SYNPR: variants seen among roughly 807,000 people sequenced by gnomAD.
SYNPR encodes the protein synaptoporin.
In SYNPR, 23 loss-of-function variants were observed where a neutral mutation model predicts 32.9. The ratio of observed to expected loss-of-function variants is 0.70; its 90% confidence interval spans 0.50 to 0.99. SYNPR has a LOEUF of 0.99. Ranked by LOEUF, SYNPR falls within the 50% of genes least tolerant of loss-of-function variation. The probability of loss-of-function intolerance (pLI) is 0.00; values close to 1 mark genes in which losing one functional copy is unlikely to be tolerated. For missense variants in SYNPR, 318 were observed against 349.3 expected (o/e 0.91, Z 0.71); for synonymous variants, 146 against 135.9 (o/e 1.07, Z -0.52).
At chr3:63,219,835 G>T in the SYNPR span, among the ~76,000 whole-genome samples, 3 of 152,162 alleles carry the variant, frequency 2.0e-5, no homozygotes, top group Non-Finnish European at 4.4e-5. Flanking sequence ...TTTTCCAGGG[G>T]TGGCAGAGGT....
At chr3:63,506,318 T>C (rs1412577147) in intron 3 of SYNPR, among the ~76,000 whole-genome samples, 2 of 152,174 alleles carry the variant, frequency 1.3e-5, no homozygotes, top group African/African-American at 4.8e-5. Context: ...ATCTGCACTT[T>C]CTACTTCTCA....
In SYNPR at chr3:63,284,577, T is replaced by G. The variant is rs151192687; in HGVS notation, c.84+5835T>G. Among the ~76,000 whole-genome samples, 483 of 152,322 alleles carry G rather than the reference T, an allele frequency of 3.2e-3. 1 individual carries two copies. Among genetic ancestry groups the G allele is most frequent in the African/African-American group, 0.011 (466 of 41,574 alleles). On this transcript the variant is annotated intron_variant, in intron 2 of 5. Coordinates refer to ENST00000478300, the MANE Select transcript of SYNPR (RefSeq NM_001130003.2). Reference sequence around the variant, plus strand: ...GGCCAGTGAATCCAAAGATGCAGCATGTCGATATGTGAGGTATAGGTCTAC... The same window carrying G: ...GGCCAGTGAATCCAAAGATGCAGCAGGTCGATATGTGAGGTATAGGTCTAC...
rs190075182 is a variant in SYNPR at position 63,553,359 on chromosome 3, A to T, written c.210-3184A>T. On this transcript the variant is annotated intron_variant, in intron 3 of 5. Coordinates refer to ENST00000478300, the MANE Select transcript of SYNPR (RefSeq NM_001130003.2). Reference sequence around the variant, plus strand: ...CAACCATTGATGGGCACCTGAGTTGATTCTGTGTCTGTGCTATTGTGAGTA... The same window carrying T: ...CAACCATTGATGGGCACCTGAGTTGTTTCTGTGTCTGTGCTATTGTGAGTA... Among the ~76,000 whole-genome samples, 220 of 152,238 alleles carry T rather than the reference A, an allele frequency of 1.4e-3. 2 individuals are homozygous for T. The highest frequency in any genetic ancestry group is 5.1e-3 in the African/African-American group (214 of 41,554).
chr3:63,614,767 A>G (rs1340065364), intron 5 of SYNPR, among the ~76,000 whole-genome samples: 2 of 152,196 alleles, frequency 1.3e-5, no homozygotes, highest in African/African-American at 4.8e-5. Context: ...ACCATTATTA[A>G]AGTGAAAATT....
chr3:63,603,422 G>A (rs1311474284), intron 4 of SYNPR, among the ~76,000 whole-genome samples: 1 of 152,042 alleles, frequency 6.6e-6, no homozygotes, highest in Non-Finnish European at 1.5e-5. Flanking sequence ...GTCTTGTTCT[G>A]GTTTTCAAGG....
At chr3:63,243,048 A>G (rs751118062) in intron 1 of SYNPR, among the ~76,000 whole-genome samples, 19 of 152,120 alleles carry the variant, frequency 1.2e-4, no homozygotes, top group Non-Finnish European at 1.6e-4. Context: ...GAGAAGAAAA[A>G]GCAAGGGAAG....
intron 2 of SYNPR, among the ~76,000 whole-genome samples, chr3:63,461,828 T>G (rs1472116260): frequency 2.6e-5 from 4 of 151,974 alleles, no homozygotes; most frequent in Non-Finnish European, 5.9e-5. Flanking sequence ...ATAATACCCA[T>G]CTTGCAGGTA....
intron 2 of SYNPR, among the ~76,000 whole-genome samples, chr3:63,465,066 C>T (rs1185866578): frequency 6.6e-6 from 1 of 152,136 alleles, no homozygotes; most frequent in African/African-American, 2.4e-5. Context: ...TAATTTGATA[C>T]ATTTTATTGC....
intron 3 of SYNPR, among the ~76,000 whole-genome samples, chr3:63,512,599 G>T (rs553431007): frequency 2.0e-5 from 3 of 152,204 alleles, no homozygotes; most frequent in African/African-American, 7.2e-5. Flanking sequence ...TGGAAACAAG[G>T]TCATAGAAAT....
intron 2 of SYNPR, among the ~76,000 whole-genome samples, chr3:63,302,769 T>C (rs2086870582): frequency 6.6e-6 from 1 of 151,826 alleles, no homozygotes; most frequent in South Asian, 2.1e-4. Flanking sequence ...TGGATAATAA[T>C]AAACTTAGAA....
intron 2 of SYNPR, among the ~76,000 whole-genome samples, chr3:63,403,005 T>C (rs1243530980): frequency 6.6e-6 from 1 of 152,202 alleles, no homozygotes; most frequent in Admixed American, 6.5e-5. Flanking sequence ...CAAGGGGCTC[T>C]GGACAGGAGA....
chr3:63,290,143 A>T (rs930575761), intron 2 of SYNPR, among the ~76,000 whole-genome samples: 1 of 149,752 alleles, frequency 6.7e-6, no homozygotes, highest in African/African-American at 2.5e-5. Context: ...AAACAAAAAA[A>T]CTCCTTTTCA....
the SYNPR span, among the ~76,000 whole-genome samples, chr3:63,209,660 T>G: frequency 6.6e-6 from 1 of 152,188 alleles, no homozygotes; most frequent in Admixed American, 6.5e-5. Flanking sequence ...AAAACTATTC[T>G]CCCTCTCCCT....
At chr3:63,374,335 A>G (rs1289625080) in intron 2 of SYNPR, among the ~76,000 whole-genome samples, 1 of 152,178 alleles carries the variant, frequency 6.6e-6, no homozygotes, top group African/African-American at 2.4e-5. Flanking sequence ...TATGTGATGA[A>G]TCACATTTAT....
intron 3 of SYNPR, among the ~76,000 whole-genome samples, chr3:63,537,819 C>T (rs1702236234): frequency 6.6e-6 from 1 of 152,100 alleles, no homozygotes; most frequent in African/African-American, 2.4e-5. Context: ...CCTCAAGCGA[C>T]CCAGGGTAAG....
chr3:63,259,697 C>T (rs1314791423), intron 2 of SYNPR, among the ~76,000 whole-genome samples: 1 of 152,176 alleles, frequency 6.6e-6, no homozygotes, highest in African/African-American at 2.4e-5. Context: ...CACTCCTATT[C>T]AACATAGTGT....
At position 63,565,422 on chromosome 3, in the gene SYNPR, G is replaced by T. The variant is rs144557616; in HGVS notation, c.408+8681G>T. Among the ~76,000 whole-genome samples, 1,307 of 152,286 alleles carry T rather than the reference G, an allele frequency of 8.6e-3. 15 individuals are homozygous for T. The highest frequency in any genetic ancestry group is 0.012 in the Non-Finnish European group (788 of 68,038). On this transcript the variant is annotated intron_variant, in intron 4 of 5. Transcript: ENST00000478300. ...CTGCCCTCTGCCTCCAAGATGGTGC[G>T]TTGTTGCAGCATCGTCTGGAAGGAT... is the stretch of plus-strand genomic sequence containing the variant.
intron 2 of SYNPR, among the ~76,000 whole-genome samples, chr3:63,395,806 A>G (rs1575622974): frequency 1.3e-5 from 2 of 152,138 alleles, no homozygotes; most frequent in Non-Finnish European, 2.9e-5. Context: ...GATCATACTT[A>G]AATGTTCTTT....
chr3:63,493,371 T>C (rs1234808293), intron 3 of SYNPR, among the ~76,000 whole-genome samples: 1 of 152,112 alleles, frequency 6.6e-6, no homozygotes, highest in Non-Finnish European at 1.5e-5. Context: ...AAGTGACAAC[T>C]GGAAAACCAG....
Sources: gnomAD v4.1 joint callset for allele counts (sites outside exome capture counted in the v4.1 genomes callset) on GRCh38, gnomAD v4.1.1 for gene constraint, MANE v1.5 for transcripts, NCBI Gene and HGNC (gene_info 2026-07-23, HGNC 2026-07-21) for gene names.